Variants in FBXO16 observed in about 807,000 individuals in gnomAD.
FBXO16 encodes F-box protein 16, also known as F-box only protein 16.
In FBXO16, 31 loss-of-function variants were observed where a neutral mutation model predicts 41.0. The observed-to-expected ratio is 0.76, with a 90% confidence interval of 0.57 to 1.02. FBXO16 has a LOEUF of 1.02. Among genes scored for constraint, FBXO16 ranks in the 50% least tolerant of loss-of-function variants. FBXO16 has a pLI of 0.00. For synonymous variants in FBXO16, 133 were observed against 117.8 expected (o/e 1.13, Z -0.84); for missense variants, 361 against 346.2 (o/e 1.04, Z -0.34).
chr8:28,431,148 C>T (rs978502811), intron 7 of FBXO16, among the ~76,000 whole-genome samples: 14 of 152,120 alleles, frequency 9.2e-5, no homozygotes, highest in African/African-American at 1.7e-4. Flanking sequence ...CCTGAGTCCC[C>T]GGGCAGTTCA....
rs752085766 is a variant in FBXO16, at chr8:28,428,644, T to A, written c.*83A>T. 1.9e-6 allele frequency: 3 copies of A among 1,556,690 alleles called. No individual in the cohort carries two copies. The Admixed American group carries it at 5.8e-5, about 30-fold the overall frequency. On this transcript the variant is annotated 3_prime_UTR_variant, in exon 9 of 9. Coordinates refer to ENST00000380254, the MANE Select transcript of FBXO16 (RefSeq NM_172366.4). ...GAGGATGCTGCATGAGAATTTCAGCTGTGGTGGCAGTGTCTGGGAGTCCCA... is the reference window on the plus strand; with the variant it reads ...GAGGATGCTGCATGAGAATTTCAGCAGTGGTGGCAGTGTCTGGGAGTCCCA...
intron 1 of FBXO16, among the ~76,000 whole-genome samples, chr8:28,488,002 G>A (rs1803630069): frequency 6.6e-6 from 1 of 151,736 alleles, no homozygotes; most frequent in Non-Finnish European, 1.5e-5. Context: ...ATAGGCGCCT[G>A]CCACCACACC....
intron 3 of FBXO16, among the ~76,000 whole-genome samples, chr8:28,468,556 G>C (rs1214203514): frequency 6.6e-6 from 1 of 152,194 alleles, no homozygotes; most frequent in Non-Finnish European, 1.5e-5. Context: ...AGGGCTGGGC[G>C]AGGTGGCTCA....
rs756884862 is a variant in FBXO16 at position 28,447,207 on chromosome 8, C to A, written c.807G>T (p.Leu269Phe). 6.2e-7 allele frequency: 1 copy of A among 1,613,900 alleles called. No individual in the cohort carries two copies. Among genetic ancestry groups the A allele is most frequent in the Non-Finnish European group, 8.5e-7 (1 of 1,179,976 alleles). Residue 269 changes from leucine (L) to phenylalanine (F), a missense_variant, in exon 7 of 9, where the codon TTG becomes TTT. Coordinates refer to ENST00000380254, the MANE Select transcript of FBXO16 (RefSeq NM_172366.4). Reference sequence around the variant, plus strand: ...CTTTTCTTAGCCTAGTTCTGTCCTGCAATTTATTTTTCTTATCATGTGACT... The same window carrying A: ...CTTTTCTTAGCCTAGTTCTGTCCTGAAATTTATTTTTCTTATCATGTGACT... The part of the protein sequence containing the change: ...SRQSHDKKNK[L>F]QDRTRLRKAQ...
intron 1 of FBXO16, among the ~76,000 whole-genome samples, chr8:28,484,725 G>T (rs76178884): frequency 0.029 from 4,392 of 152,190 alleles, 223 homozygotes; most frequent in African/African-American, 0.099. Context: ...CCGGGTAGCT[G>T]GGACTACAGG....
At chr8:28,438,285 C>T (rs146295417) in intron 7 of FBXO16, among the ~76,000 whole-genome samples, 52 of 152,104 alleles carry the variant, frequency 3.4e-4, no homozygotes, top group East Asian at 3.1e-3. Context: ...CACTGCATTC[C>T]GGCCTGGGCA....
intron 2 of FBXO16, among the ~76,000 whole-genome samples, chr8:28,476,453 C>T (rs1157720951): frequency 6.6e-6 from 1 of 152,184 alleles, no homozygotes; most frequent in African/African-American, 2.4e-5. Flanking sequence ...CTCAGTTGGA[C>T]TTATAGTCTT....
chr8:28,440,607 A>C (rs1168062776), intron 7 of FBXO16, among the ~76,000 whole-genome samples: 1 of 152,170 alleles, frequency 6.6e-6, no homozygotes, highest in African/African-American at 2.4e-5. Flanking sequence ...AGAAAGCTTG[A>C]AGAAGCACTT....
intron 7 of FBXO16, among the ~76,000 whole-genome samples, chr8:28,444,951 C>A (rs948712116): frequency 6.6e-6 from 1 of 151,826 alleles, no homozygotes; most frequent in Non-Finnish European, 1.5e-5. Flanking sequence ...TTTTCACAAT[C>A]ATCTTGCATC....
rs544253534 is a variant in FBXO16, at chr8:28,442,626, C to T, written c.843+4545G>A. On this transcript the variant is annotated intron_variant, in intron 7 of 8. Coordinates refer to ENST00000380254, the MANE Select transcript of FBXO16 (RefSeq NM_172366.4). ...CTCAAACTCCTGACCTCAGGTGATC[C>T]GCCTGCCTCAGCCTCCCAAAGTGCT... Among the ~76,000 whole-genome samples the T allele has an allele frequency of 2.7e-3, 414 of 152,180 alleles. 1 individual carries two copies. Among genetic ancestry groups the T allele is most frequent in the Non-Finnish European group, 4.4e-3 (298 of 68,018 alleles).
At chr8:28,429,743 A>T (rs533346823) in intron 7 of FBXO16, among the ~76,000 whole-genome samples, 1 of 152,304 alleles carries the variant, frequency 6.6e-6, no homozygotes, top group East Asian at 1.9e-4. Flanking sequence ...TCTTTGACTC[A>T]TCAATGATAT....
At chr8:28,440,613 C>T (rs953630100) in intron 7 of FBXO16, among the ~76,000 whole-genome samples, 1 of 152,216 alleles carries the variant, frequency 6.6e-6, no homozygotes. Context: ...CTTGAAGAAG[C>T]ACTTTAAAAA....
intron 7 of FBXO16, among the ~76,000 whole-genome samples, chr8:28,432,279 G>T (rs1032157253): frequency 2.6e-5 from 4 of 151,962 alleles, no homozygotes; most frequent in Non-Finnish European, 5.9e-5. Flanking sequence ...TTCGAGACCA[G>T]CCTGGCCAAC....
intron 7 of FBXO16, among the ~76,000 whole-genome samples, chr8:28,439,105 A>AAAG (rs1168030887): frequency 1.2e-4 from 18 of 151,530 alleles, no homozygotes; most frequent in African/African-American, 1.9e-4. Context: ...AAAAAAAAAA[A>AAAG]AAAAGAAAAG....
chr8:28,488,086 C>T (rs778488837), intron 1 of FBXO16, among the ~76,000 whole-genome samples: 1 of 151,476 alleles, frequency 6.6e-6, no homozygotes, highest in Non-Finnish European at 1.5e-5. Context: ...CTCCTGACCT[C>T]GTGATCCACC....
chr8:28,456,436 C>T (rs1471067727), intron 5 of FBXO16, among the ~76,000 whole-genome samples: 1 of 152,176 alleles, frequency 6.6e-6, no homozygotes, highest in African/African-American at 2.4e-5. Flanking sequence ...GTAACAAATA[C>T]TTCATGTTAC....
At chr8:28,473,927 A>G (rs1803377405) in intron 2 of FBXO16, 120 bp from the exon 3 acceptor site, 3 of 765,434 alleles carry the variant, frequency 3.9e-6, no homozygotes, top group Non-Finnish European at 6.4e-6. Flanking sequence ...TGAATATTAA[A>G]AGGCAGATTT....
intron 7 of FBXO16, among the ~76,000 whole-genome samples, chr8:28,436,706 C>T (rs1172878160): frequency 2.0e-5 from 3 of 152,106 alleles, no homozygotes; most frequent in Non-Finnish European, 2.9e-5. Context: ...TACCATATTA[C>T]GAAACACACA....
intron 1 of FBXO16, among the ~76,000 whole-genome samples, chr8:28,486,209 T>G (rs1220779083): frequency 6.6e-6 from 1 of 150,738 alleles, no homozygotes; most frequent in Non-Finnish European, 1.5e-5. Flanking sequence ...TTTATTTATT[T>G]TCTACATTTC....
Sources: gnomAD v4.1 joint callset for allele counts (sites outside exome capture counted in the v4.1 genomes callset) on GRCh38, gnomAD v4.1.1 for gene constraint, MANE v1.5 for transcripts, NCBI Gene and HGNC (gene_info 2026-07-23, HGNC 2026-07-21) for gene names.